The following INPP5E variants were observed in gnomAD, a reference collection of about 807,000 sequenced individuals.
INPP5E encodes the protein phosphatidylinositol polyphosphate 5-phosphatase type IV.
INPP5E carries 34 observed loss-of-function variants against 50.5 expected under a neutral mutation model. The ratio of observed to expected loss-of-function variants is 0.67; its 90% confidence interval spans 0.51 to 0.90. The LOEUF is 0.90. Ranked by LOEUF, INPP5E falls within the 40% of genes least tolerant of loss-of-function variation. INPP5E has a pLI of 0.00. For missense variants in INPP5E, 942 were observed against 905.5 expected (o/e 1.04, Z -0.52); for synonymous variants, 447 against 406.0 (o/e 1.10, Z -1.21).
At chr9:136,434,674 C>G (rs747707226) in intron 2 of INPP5E, 66 bp downstream of exon 2, 2 of 1,555,142 alleles carry the variant, frequency 1.3e-6, no homozygotes, top group Non-Finnish European at 1.7e-6. Context: ...TGCCCCGTCC[C>G]CCTCACCCGC....
At position 136,431,077 on chromosome 9, in the gene INPP5E, G is replaced by A. The variant is rs531628363; in HGVS notation, c.1590C>T (p.Phe530=). The A allele has an allele frequency of 4.3e-6, 7 of 1,613,340 alleles. No individual in the cohort carries two copies. In the Admixed American group the frequency reaches 5.0e-5, roughly 12 times the overall value. Reference sequence around the variant, plus strand: ...CGATGTCAAACTTGTATGATGGGAGGAAGTGGATGTCCGGCTCCTGGAAGC... The same window carrying A: ...CGATGTCAAACTTGTATGATGGGAGAAAGTGGATGTCCGGCTCCTGGAAGC... The part of the protein sequence containing the change: ...FKGFQEPDIH[F]LPSYKFDIGK... The change falls in exon 8 of 10, where the codon TTC becomes TTT. Residue 530 remains phenylalanine, a synonymous_variant. Transcript: ENST00000371712.
At chr9:136,432,426 G>T in intron 6 of INPP5E, 53 bp downstream of exon 6, 1 of 1,249,020 alleles carries the variant, frequency 8.0e-7, no homozygotes, top group Non-Finnish European at 1.1e-6. Context: ...AACGACGGGC[G>T]CCCGTGTGCG....
Position 136,429,260 on chromosome 9 carries a change from C to A in INPP5E, c.*415G>T. 3.1e-6 allele frequency: 1 copy of A among 323,588 alleles called. No homozygotes were observed. Among genetic ancestry groups the A allele is most frequent in the Non-Finnish European group, 6.1e-6 (1 of 164,554 alleles). The allele number at this position is 323,588 out of a possible 1,614,324, so 20.0% of individuals were successfully genotyped here. The stretch of plus-strand genomic sequence containing the variant: ...TGTTTGAGGGGCTGCCAGGAGGACA[C>A]AGATGGACGCCTGCTTCGGGTGTGG... On this transcript the variant is annotated 3_prime_UTR_variant, in exon 10 of 10. Transcript: ENST00000371712.
At position 136,438,948 on chromosome 9, in the gene INPP5E, C is replaced by A. The variant is rs1172203645; in HGVS notation, c.472G>T (p.Gly158Cys). 3 of 1,568,868 alleles carry A rather than the reference C, an allele frequency of 1.9e-6. No homozygotes were observed. Among genetic ancestry groups the A allele is most frequent in the Admixed American group, 1.9e-5 (1 of 52,492 alleles). ...SSERGSPSSG[G>C]NPLSGVASSS... ...CTGGCCACCCCAGAGAGAGGGTTAC[C>A]CCCCGAGGACGGGCTCCCTCTCTCA... Residue 158 changes from glycine to cysteine, a missense_variant, in exon 1 of 10, where the codon GGT (glycine) becomes TGT (cysteine). Gly to Cys is a radical substitution (Grantham distance 159). Transcript: ENST00000371712.
In INPP5E at chr9:136,439,405, C is replaced by T; in HGVS notation, c.15G>A (p.Ala5=). 2 of 1,464,794 alleles carry T rather than the reference C, an allele frequency of 1.4e-6. No homozygotes were observed. Among genetic ancestry groups the T allele is most frequent in the Non-Finnish European group, 1.8e-6 (2 of 1,114,054 alleles). 90.7% of individuals were successfully genotyped at this position (1,464,794 alleles called of 1,614,324 possible). MPSK[A]ENLRPSEPAP... The stretch of plus-strand genomic sequence containing the variant: ...CCGGCTCGGAGGGCCGCAGATTCTC[C>T]GCCTTGGACGGCATGGACGGTCTCT... The change falls in exon 1 of 10, where the codon GCG becomes GCA. Residue 5 remains alanine (A), a synonymous_variant. Coordinates refer to ENST00000371712, the MANE Select transcript of INPP5E (RefSeq NM_019892.6).
chr9:136,439,205 G>C lies in INPP5E; in HGVS notation c.215C>G (p.Pro72Arg). The C allele has an allele frequency of 6.5e-7, 1 of 1,540,184 alleles. No homozygotes were observed. Among genetic ancestry groups the C allele is most frequent in the Non-Finnish European group, 8.7e-7 (1 of 1,148,620 alleles). The change falls in exon 1 of 10, where the codon CCG (proline) becomes CGG (arginine). Residue 72 changes from proline to arginine, a missense_variant. Coordinates refer to ENST00000371712, the MANE Select transcript of INPP5E (RefSeq NM_019892.6). Reference sequence around the variant, plus strand: ...CAGTCGAGGCCTGGCGGGGGGCCGCGGGGCGATGGGTGCTGCTCGGGCTGG... The same window carrying C: ...CAGTCGAGGCCTGGCGGGGGGCCGCCGGGCGATGGGTGCTGCTCGGGCTGG... ...DPPARAAPIA[P>R]RPPARPRLER...
In INPP5E at chr9:136,431,839, G is replaced by A. The variant is rs374152018; in HGVS notation, c.1534C>T (p.Arg512Trp). 41 of 1,535,614 alleles carry A rather than the reference G, an allele frequency of 2.7e-5. No homozygotes were observed. The highest frequency in any genetic ancestry group is 1.7e-4 in the Middle Eastern group (1 of 5,732). Residue 512 changes from arginine (R) to tryptophan (W), a missense_variant, in exon 7 of 10, where the codon CGG becomes TGG. Transcript: ENST00000371712. ...AGGCCCTCACCTTTCCGCATCTCCC[G>A]GATGAGCTGGTCGTGCTGCAGCAGC... ...PALLQHDQLIREMRKGSIFKG... is the reference protein window; with the variant it reads ...PALLQHDQLIWEMRKGSIFKG...
intron 5 of INPP5E, among the ~76,000 whole-genome samples, 153 bp from the exon 6 acceptor site, chr9:136,432,739 G>A (rs1835738906): frequency 2.6e-5 from 4 of 152,332 alleles, no homozygotes; most frequent in South Asian, 4.1e-4. Flanking sequence ...TGACATTTCC[G>A]CCTCGGAGGA....
intron 6 of INPP5E, 107 bp from the exon 7 acceptor site, chr9:136,432,092 C>G: frequency 2.1e-6 from 3 of 1,418,428 alleles, no homozygotes; most frequent in Non-Finnish European, 3.0e-6. Flanking sequence ...GGGTCTTGGG[C>G]GCCAGCCGGT....
chr9:136,432,511 AC>A lies in INPP5E; in HGVS notation c.1354del (p.Val452CysfsTer31). On this transcript the variant is annotated frameshift_variant, in exon 6 of 10. Coordinates refer to ENST00000371712, the MANE Select transcript of INPP5E (RefSeq NM_019892.6). LOFTEE classifies it high-confidence loss of function. Reference protein sequence around the residue: ...TVQALVLPRNVPDTNPYRSSA... With the variant: ...TVQALVLPRNXPDTNPYRSSA... ...GGAGCGATAGGGGTTGGTGTCGGGCACATTTCTGGGCAGGACCAGGGCTTGT... is the reference window on the plus strand; with the variant it reads ...GGAGCGATAGGGGTTGGTGTCGGGCAATTTCTGGGCAGGACCAGGGCTTGT... 1 of 1,551,592 alleles carries A rather than the reference AC, an allele frequency of 6.4e-7. No homozygotes were observed. The highest frequency in any genetic ancestry group is 1.2e-5 in the South Asian group (1 of 84,164).
At position 136,432,561 on chromosome 9, in the gene INPP5E, C is replaced by CAG. The variant is rs1835733534; in HGVS notation, c.1304_1305insCT (p.Leu436CysfsTer48). 6.5e-7 allele frequency: 1 copy of CAG among 1,549,918 alleles called. No homozygotes were observed. Among genetic ancestry groups the CAG allele is most frequent in the East Asian group, 2.4e-5 (1 of 41,070 alleles). On this transcript the variant is annotated frameshift_variant, in exon 6 of 10. Coordinates refer to ENST00000371712, the MANE Select transcript of INPP5E (RefSeq NM_019892.6). LOFTEE classifies it high-confidence loss of function. Reference sequence around the variant, plus strand: ...GTACAGTCCTGGTGTAGTCCAGCAGCCGCTCCGCCACCTTCCCGTCACCTG... The same window carrying CAG: ...GTACAGTCCTGGTGTAGTCCAGCAGCAGCGCTCCGCCACCTTCCCGTCACCTG...
intron 1 of INPP5E, 97 bp from the exon 2 acceptor site, chr9:136,434,960 G>T: frequency 7.0e-7 from 1 of 1,438,406 alleles, no homozygotes; most frequent in Non-Finnish European, 9.5e-7. Flanking sequence ...CCCATGGAAT[G>T]TCAGGAGCTG....
intron 1 of INPP5E, chr9:136,435,604 A>G (rs1308768174): frequency 1.3e-5 from 2 of 152,558 alleles, no homozygotes; most frequent in African/African-American, 4.8e-5. Context: ...CGGTGCACAC[A>G]GATGGTTAAA....
Position 136,439,446 on chromosome 9 carries a change from GGCGCGAGGCCGCAGGCA to G in INPP5E, c.-44_-28del. The G allele has an allele frequency of 7.0e-7, 1 of 1,426,452 alleles. No homozygotes were observed. Among genetic ancestry groups the G allele is most frequent in the Non-Finnish European group, 9.2e-7 (1 of 1,091,618 alleles). 88.4% of individuals were successfully genotyped at this position (1,426,452 alleles called of 1,614,324 possible). A position where few individuals can be genotyped will look rare whatever the true frequency, so the allele number is the denominator to read the frequency against. ...GACGGTCTCTCCCGGGGCAGGCCTC[GGCGCGAGGCCGCAGGCA>G]GCGCGAGGGGTCACGGGTGCCGGGT... On this transcript the variant is annotated 5_prime_UTR_variant, in exon 1 of 10. Coordinates refer to ENST00000371712, the MANE Select transcript of INPP5E (RefSeq NM_019892.6).
chr9:136,435,938 A>G (rs1394174402), intron 1 of INPP5E: 1 of 152,266 alleles, frequency 6.6e-6, no homozygotes, highest in East Asian at 1.9e-4. Flanking sequence ...CTCGCCGACT[A>G]TACAGAAACG....
chr9:136,434,218 T>G, intron 2 of INPP5E, 84 bp from the exon 3 acceptor site: 3 of 898,414 alleles, frequency 3.3e-6, no homozygotes, highest in Non-Finnish European at 5.3e-6. Flanking sequence ...GTGCCTTGAG[T>G]ACCAGCGACT....
chr9:136,433,207 G>T lies in INPP5E; in HGVS notation c.1107C>A (p.Gly369=). 6.2e-7 allele frequency: 1 copy of T among 1,600,254 alleles called. No individual in the cohort carries two copies. ...HYVLLSSAAH[G]VLYMSLFIRR... Reference sequence around the variant, plus strand: ...GGATGAAGAGCGACATGTAGAGCACGCCGTGGGCCGCCGAGGACAGCAGCA... The same window carrying T: ...GGATGAAGAGCGACATGTAGAGCACTCCGTGGGCCGCCGAGGACAGCAGCA... The change falls in exon 4 of 10, where the codon GGC becomes GGA. Residue 369 remains glycine (G), a synonymous_variant. Coordinates refer to ENST00000371712, the MANE Select transcript of INPP5E (RefSeq NM_019892.6).
chr9:136,433,524 G>GCTC (rs767294709), intron 3 of INPP5E, among the ~76,000 whole-genome samples: 1 of 152,010 alleles, frequency 6.6e-6, no homozygotes, highest in Non-Finnish European at 1.5e-5. Context: ...AGTGAGCAGA[G>GCTC]CTCCTCCCGC....
intron 1 of INPP5E, 57 bp from the exon 2 acceptor site, chr9:136,434,920 TGGG>T: frequency 1.3e-6 from 2 of 1,567,534 alleles, no homozygotes; most frequent in East Asian, 4.7e-5. Flanking sequence ...CCTGGGGGTC[TGGG>T]CCAGGTCCCC....
Sources: gnomAD v4.1 joint callset for allele counts (sites outside exome capture counted in the v4.1 genomes callset) on GRCh38, gnomAD v4.1.1 for gene constraint, MANE v1.5 for transcripts, NCBI Gene and HGNC (gene_info 2026-07-23, HGNC 2026-07-21) for gene names.